The following SLFN12L variants were observed in gnomAD, a reference collection of about 807,000 sequenced individuals.
SLFN12L encodes the protein schlafen family member 12-like.
In SLFN12L, 34 loss-of-function variants were observed where a neutral mutation model predicts 34.8. The observed-to-expected ratio is 0.98, with a 90% CI of 0.74 to 1.30. The LOEUF is 1.30. Among genes scored for constraint, SLFN12L ranks in the 50% most tolerant of loss-of-function variants. SLFN12L has a pLI of 0.00. For missense variants in SLFN12L, 703 were observed against 696.2 expected, an observed-to-expected ratio of 1.01 and a Z score of -0.11; for synonymous variants, 259 against 247.5, an observed-to-expected ratio of 1.05 and a Z score of -0.44.
chr17:35,500,970 G>C (rs1915275115), intron 2 of SLFN12L, among the ~76,000 whole-genome samples: 1 of 152,184 alleles, frequency 6.6e-6, no homozygotes, highest in African/African-American at 2.4e-5. Flanking sequence ...GGGGAGCTCG[G>C]TTTTTGGAGA....
intron 1 of SLFN12L, among the ~76,000 whole-genome samples, chr17:35,531,405 T>C (rs1387652911): frequency 6.6e-6 from 1 of 152,210 alleles, no homozygotes; most frequent in African/African-American, 2.4e-5. Context: ...ATACGTGCCT[T>C]GTAATAAAGC....
intron 2 of SLFN12L, among the ~76,000 whole-genome samples, chr17:35,485,139 G>A (rs1475780459): frequency 6.6e-6 from 1 of 151,946 alleles, no homozygotes; most frequent in Admixed American, 6.6e-5. Context: ...CTAAAGGTTT[G>A]TCAATCTTGA....
Position 35,503,510 on chromosome 17 carries a change from T to C in SLFN12L, c.86+18769A>G, listed in dbSNP as rs980012972. Among the ~76,000 whole-genome samples the C allele has an allele frequency of 3.9e-5, 6 of 152,122 alleles. No homozygotes were observed. The South Asian group carries it at 1.0e-3, about 26-fold the overall frequency. On this transcript the variant is annotated intron_variant, in intron 2 of 4. Transcript: ENST00000628453. ...AAGGTGAAATTTAGCTTATCTGGTA[T>C]AAAAATCATACAAGAAGAATTGTCA...
chr17:35,477,921 G>T, intron 4 of SLFN12L, 154 bp downstream of exon 4: 2 of 547,752 alleles, frequency 3.7e-6, no homozygotes, highest in Non-Finnish European at 6.4e-6. Flanking sequence ...TAAAGAAATA[G>T]AATTTGACAA....
chr17:35,511,609 A>ACG (rs1430332957), intron 2 of SLFN12L, among the ~76,000 whole-genome samples: 1 of 151,352 alleles, frequency 6.6e-6, no homozygotes, highest in Non-Finnish European at 1.5e-5. Context: ...ACACACACAC[A>ACG]CAGAGCCCCT....
In SLFN12L at chr17:35,469,387, C is replaced by A. The variant is rs1358534243; in HGVS notation, c.*5536G>T. 6.8e-6 allele frequency among the ~76,000 whole-genome samples: 1 copy of A among 147,112 alleles called. No homozygotes were observed. The highest frequency in any genetic ancestry group is 2.5e-5 in the African/African-American group (1 of 39,824). ...ACTTTTAACCCACTTTAAAACTCCA[C>A]CAAGATAATAGTAAAAACCTCCAAA... On this transcript the variant is annotated 3_prime_UTR_variant, in exon 5 of 5. Transcript: ENST00000628453.
chr17:35,479,422 T>G lies in SLFN12L; in HGVS notation c.860A>C (p.Lys287Thr). ...GYLFVGLNEDKEVIGFKAEKS... is the reference protein window; with the variant it reads ...GYLFVGLNEDTEVIGFKAEKS... ...CTCTGCTTTAAAGCCAATTACTTCT[T>G]TATCTTCATTTAGACCAACGAATAA... The change falls in exon 3 of 5, where the codon AAA becomes ACA. Residue 287 changes from lysine to threonine, a missense_variant. Transcript: ENST00000628453. 1 of 1,614,026 alleles carries G rather than the reference T, an allele frequency of 6.2e-7. No individual in the cohort carries two copies. The highest frequency in any genetic ancestry group is 8.5e-7 in the Non-Finnish European group (1 of 1,179,936).
At chr17:35,507,833 C>A (rs1369005644) in intron 2 of SLFN12L, among the ~76,000 whole-genome samples, 1 of 152,170 alleles carries the variant, frequency 6.6e-6, no homozygotes, top group Non-Finnish European at 1.5e-5. Context: ...ATCGATCTGT[C>A]TTACAAGAAG....
chr17:35,469,310 T>C lies in SLFN12L; in HGVS notation c.*5613A>G, dbSNP rs1048820081. Among the ~76,000 whole-genome samples, 153 of 134,044 alleles carry C rather than the reference T, an allele frequency of 1.1e-3. No homozygotes were observed. Among genetic ancestry groups the C allele is most frequent in the African/African-American group, 4.2e-3 (149 of 35,538 alleles). The allele number at this position is 134,044 out of a possible 152,430, so 87.9% of individuals were successfully genotyped here. ...ATAAAATATATATATATAAAATATA[T>C]ATATATTATATATATAAATATATAT... is the stretch of plus-strand genomic sequence containing the variant. On this transcript the variant is annotated 3_prime_UTR_variant, in exon 5 of 5. Transcript: ENST00000628453.
chr17:35,506,106 A>G (rs2142154712), intron 2 of SLFN12L, among the ~76,000 whole-genome samples: 1 of 152,308 alleles, frequency 6.6e-6, no homozygotes, highest in East Asian at 1.9e-4. Flanking sequence ...CCACAGTTTT[A>G]AAAATAAGAT....
At chr17:35,476,513 G>GGAAAGAAGGAAA (rs1270264125) in intron 4 of SLFN12L, among the ~76,000 whole-genome samples, 1 of 128,804 alleles carries the variant, frequency 7.8e-6, no homozygotes, top group African/African-American at 3.1e-5. Context: ...AAGGAAGGAA[G>GGAAAGAAGGAAA]GAAGGAAAGA....
chr17:35,498,114 C>A (rs62078156), intron 2 of SLFN12L: 1 of 591,722 alleles, frequency 1.7e-6, no homozygotes, highest in Non-Finnish European at 3.0e-6. Context: ...ACAGCTGAGC[C>A]GGCGGTCAGA....
rs183979562 is a variant in SLFN12L at position 35,530,447 on chromosome 17, A to G, written c.-606+7126T>C. Among the ~76,000 whole-genome samples, 162 of 33,998 alleles carry G rather than the reference A, an allele frequency of 4.8e-3. 4 individuals are homozygous for G. The highest frequency in any genetic ancestry group is 0.02 in the Middle Eastern group (2 of 98). 22.3% of individuals were successfully genotyped at this position (33,998 alleles called of 152,430 possible). A position where few individuals can be genotyped will look rare whatever the true frequency, so the allele number is the denominator to read the frequency against. Reference sequence around the variant, plus strand: ...GAAGGAAGGGAAGGGAAGGGAAGAAAGAAAGAAAGAAAGAAAGAAAGAAAG... The same window carrying G: ...GAAGGAAGGGAAGGGAAGGGAAGAAGGAAAGAAAGAAAGAAAGAAAGAAAG... On this transcript the variant is annotated intron_variant, in intron 1 of 4. Coordinates refer to ENST00000628453, the MANE Select transcript of SLFN12L (RefSeq NM_001363830.2).
intron 2 of SLFN12L, among the ~76,000 whole-genome samples, chr17:35,513,838 G>A (rs1316547853): frequency 6.6e-6 from 1 of 152,192 alleles, no homozygotes; most frequent in Non-Finnish European, 1.5e-5. Flanking sequence ...AATTTACAGA[G>A]TAGTGACAGA....
intron 1 of SLFN12L, among the ~76,000 whole-genome samples, chr17:35,526,425 G>A (rs1453317389): frequency 1.3e-5 from 2 of 152,072 alleles, no homozygotes; most frequent in South Asian, 2.1e-4. Flanking sequence ...GCACCTCATG[G>A]CACTTATTCT....
At chr17:35,509,823 G>A (rs536027002) in intron 2 of SLFN12L, among the ~76,000 whole-genome samples, 7 of 151,404 alleles carry the variant, frequency 4.6e-5, no homozygotes, top group Non-Finnish European at 8.8e-5. Context: ...TCAGCCTCCC[G>A]AGTAGCTGGG....
At chr17:35,499,309 A>G in intron 2 of SLFN12L, 1 of 632,086 alleles carries the variant, frequency 1.6e-6, no homozygotes, top group South Asian at 2.0e-5. Flanking sequence ...GACTAATGCC[A>G]TGTAACCTGT....
intron 2 of SLFN12L, chr17:35,490,520 A>T: frequency 3.4e-6 from 3 of 891,254 alleles, no homozygotes; most frequent in South Asian, 1.3e-5. Flanking sequence ...ATTAAGAAGA[A>T]GTCTAAAAAT....
chr17:35,491,898 CAGA>C (rs1323364217), intron 2 of SLFN12L, among the ~76,000 whole-genome samples: 1 of 152,202 alleles, frequency 6.6e-6, no homozygotes, highest in Non-Finnish European at 1.5e-5. Flanking sequence ...GTTGCAGATA[CAGA>C]AGACTAGTAG....
Sources: allele counts gnomAD v4.1 joint callset (sites outside exome capture counted in the v4.1 genomes callset), GRCh38; gene constraint gnomAD v4.1.1; transcripts MANE v1.5; gene names NCBI Gene and HGNC (gene_info 2026-07-23, HGNC 2026-07-21).